GRM7: variants seen among roughly 807,000 people sequenced by gnomAD.
GRM7 encodes glutamate metabotropic receptor 7, also known as metabotropic glutamate receptor 7.
A neutral mutation model predicts 84.5 loss-of-function variants in GRM7; 35 were observed. The ratio of observed to expected loss-of-function variants is 0.41; its 90% CI spans 0.32 to 0.55. The LOEUF (loss-of-function observed/expected upper bound fraction) is 0.55, where lower values mean the gene tolerates loss of function less well. Among genes scored for constraint, GRM7 ranks in the 20% least tolerant of loss-of-function variants. The probability of loss-of-function intolerance (pLI) is 0.19; values close to 1 mark genes in which losing one functional copy is unlikely to be tolerated. For missense variants in GRM7, 1,003 were observed against 1,194.6 expected (o/e 0.84, Z 2.36); for synonymous variants, 487 against 455.1 (o/e 1.07, Z -0.89).
At chr3:7,294,965 C>T (rs1317334822) in intron 2 of GRM7, among the ~76,000 whole-genome samples, 1 of 152,116 alleles carries the variant, frequency 6.6e-6, no homozygotes, top group Admixed American at 6.5e-5. Flanking sequence ...CTTGTGCTTT[C>T]GTTTTCTCAA....
At chr3:7,175,425 T>C (rs544860640) in intron 2 of GRM7, among the ~76,000 whole-genome samples, 1 of 152,378 alleles carries the variant, frequency 6.6e-6, no homozygotes, top group South Asian at 2.1e-4. Context: ...TTGTTTAGAA[T>C]GTGGAAGAGA....
intron 1 of GRM7, among the ~76,000 whole-genome samples, chr3:6,906,644 C>T (rs1273419733): frequency 3.3e-5 from 5 of 152,050 alleles, no homozygotes; most frequent in Non-Finnish European, 7.4e-5. Context: ...TGAGGATGTT[C>T]AGAAGGCTCT....
At position 6,862,443 on chromosome 3, in the gene GRM7, A is replaced by G. The variant is rs1694786905; in HGVS notation, c.519+536A>G. Among the ~76,000 whole-genome samples, 1 of 152,094 alleles carries G rather than the reference A, an allele frequency of 6.6e-6. No individual in the cohort carries two copies. The highest frequency in any genetic ancestry group is 1.5e-5 in the Non-Finnish European group (1 of 68,022). On this transcript the variant is annotated intron_variant, in intron 1 of 9. Coordinates refer to ENST00000357716, the MANE Select transcript of GRM7 (RefSeq NM_000844.4). This position sits in a 1 kb window ranked among gnomAD's most constrained non-coding sequence, Gnocchi z 5.2. The stretch of plus-strand genomic sequence containing the variant: ...CGTCTTAACCTAGATGTGGATGTTA[A>G]GTCCGCATCTCCCTCGGGCTGATTT...
chr3:7,668,413 A>G (rs1275357062), intron 8 of GRM7, among the ~76,000 whole-genome samples: 1 of 152,322 alleles, frequency 6.6e-6, no homozygotes, highest in African/African-American at 2.4e-5. Context: ...CTAACTAGCT[A>G]TGCTTCCTGG....
chr3:7,233,865 AC>A (rs1424232931), intron 2 of GRM7, among the ~76,000 whole-genome samples: 14 of 152,062 alleles, frequency 9.2e-5, no homozygotes, highest in African/African-American at 3.4e-4. Context: ...TTGCTTTAAG[AC>A]CTCTAATCTA....
At chr3:7,007,354 T>G (rs1018188819) in intron 1 of GRM7, among the ~76,000 whole-genome samples, 7 of 152,304 alleles carry the variant, frequency 4.6e-5, no homozygotes, top group Non-Finnish European at 1.0e-4. Context: ...GAATGTGTGT[T>G]ATTCATATTT....
At chr3:7,716,360 C>T (rs1280420085) in intron 9 of GRM7, among the ~76,000 whole-genome samples, 1 of 152,188 alleles carries the variant, frequency 6.6e-6, no homozygotes, top group Admixed American at 6.5e-5. Context: ...CCCTCATTTC[C>T]CTTTCTTTCT....
chr3:7,681,612 G>C (rs993247794), intron 9 of GRM7: 1 of 152,196 alleles, frequency 6.6e-6, no homozygotes, highest in Admixed American at 6.5e-5. Flanking sequence ...TGAGAAGGGA[G>C]GAACAGAATG....
intron 2 of GRM7, among the ~76,000 whole-genome samples, chr3:7,261,874 T>A (rs1330812272): frequency 6.6e-6 from 1 of 151,306 alleles, no homozygotes; most frequent in Non-Finnish European, 1.5e-5. Flanking sequence ...GATACAAAGT[T>A]CTCTGTCAGA....
intron 1 of GRM7, among the ~76,000 whole-genome samples, chr3:7,014,130 A>G (rs1028684058): frequency 5.3e-5 from 8 of 152,136 alleles, no homozygotes; most frequent in African/African-American, 1.9e-4. Flanking sequence ...GTCTTAAAGT[A>G]ATGCTACCTC....
intron 8 of GRM7, among the ~76,000 whole-genome samples, chr3:7,644,907 T>C (rs778630796): frequency 6.6e-6 from 1 of 152,126 alleles, no homozygotes; most frequent in Non-Finnish European, 1.5e-5. Flanking sequence ...TTGGTCCTAG[T>C]GGAGCCTCCC....
At chr3:7,002,220 C>T (rs1695037037) in intron 1 of GRM7, among the ~76,000 whole-genome samples, 1 of 152,110 alleles carries the variant, frequency 6.6e-6, no homozygotes, top group South Asian at 2.1e-4. Context: ...GCTACGTAGG[C>T]TCTGAATCAA....
At chr3:7,413,135 G>T (rs1018265183) in intron 4 of GRM7, among the ~76,000 whole-genome samples, 2 of 152,074 alleles carry the variant, frequency 1.3e-5, no homozygotes, top group Non-Finnish European at 2.9e-5. Context: ...GAATCTTTAG[G>T]TTGCAGGAAC....
rs554279364 is a variant in GRM7, at chr3:7,281,746, A to G, written c.737-16938A>G. Among the ~76,000 whole-genome samples the G allele has an allele frequency of 2.0e-5, 3 of 152,312 alleles. No homozygotes were observed. In the South Asian group the frequency reaches 6.2e-4, roughly 32 times the overall value. ...TCTTCTAAGAGGTTGTTAGAAATGTAAATTTCAGGTCCCACCCCAGACCTA... is the reference window on the plus strand; with the variant it reads ...TCTTCTAAGAGGTTGTTAGAAATGTGAATTTCAGGTCCCACCCCAGACCTA... On this transcript the variant is annotated intron_variant, in intron 2 of 9. Coordinates refer to ENST00000357716, the MANE Select transcript of GRM7 (RefSeq NM_000844.4).
Position 7,276,673 on chromosome 3 carries a change from A to T in GRM7, c.737-22011A>T, listed in dbSNP as rs556473343. On this transcript the variant is annotated intron_variant, in intron 2 of 9. Coordinates refer to ENST00000357716, the MANE Select transcript of GRM7 (RefSeq NM_000844.4). ...CCCAAACCAAGAATGATGTCAGATG[A>T]TTACTAACTCATGTTTTCACCTAAG... is the stretch of plus-strand genomic sequence containing the variant. Among the ~76,000 whole-genome samples the T allele has an allele frequency of 2.6e-5, 4 of 152,018 alleles. No individual in the cohort carries two copies. The South Asian group carries it at 8.3e-4, about 32-fold the overall frequency.
intron 7 of GRM7, among the ~76,000 whole-genome samples, chr3:7,462,237 C>T (rs1318515439): frequency 1.3e-5 from 2 of 152,164 alleles, no homozygotes; most frequent in East Asian, 3.9e-4. Flanking sequence ...CTTTCCTTCA[C>T]AAGATTATGT....
At chr3:7,262,473 C>A (rs1470586068) in intron 2 of GRM7, among the ~76,000 whole-genome samples, 3 of 152,176 alleles carry the variant, frequency 2.0e-5, no homozygotes, top group Non-Finnish European at 2.9e-5. Flanking sequence ...CTTTTCTATA[C>A]TGGCTTTTTT....
At chr3:6,923,779 T>A (rs1235494915) in intron 1 of GRM7, among the ~76,000 whole-genome samples, 1 of 152,192 alleles carries the variant, frequency 6.6e-6, no homozygotes, top group Non-Finnish European at 1.5e-5. Context: ...AATTTCATTT[T>A]GTCATGATGT....
chr3:7,450,616 G>A (rs554491746), intron 5 of GRM7, among the ~76,000 whole-genome samples: 1 of 152,052 alleles, frequency 6.6e-6, no homozygotes, highest in African/African-American at 2.4e-5. Context: ...CCTCATGAGA[G>A]AAAGGAAGTA....
Sources: allele counts gnomAD v4.1 joint callset (sites outside exome capture counted in the v4.1 genomes callset), GRCh38; gene constraint gnomAD v4.1.1; non-coding constraint Gnocchi (gnomAD v3.1); transcripts MANE v1.5; gene names NCBI Gene and HGNC (gene_info 2026-07-23, HGNC 2026-07-21).